SLC25A26: variants seen among roughly 807,000 people sequenced by gnomAD.
SLC25A26 encodes solute carrier family 25 member 26, also known as mitochondrial S-adenosylmethionine carrier protein.
A neutral mutation model predicts 37.8 loss-of-function variants in SLC25A26; 36 were observed. The observed-to-expected ratio is 0.95, with a 90% CI of 0.73 to 1.26. The LOEUF (loss-of-function observed/expected upper bound fraction) is 1.26, where lower values mean the gene tolerates loss of function less well. Ranked by LOEUF, SLC25A26 falls within the 50% of genes most tolerant of loss-of-function variation. The pLI, the probability that SLC25A26 is intolerant of heterozygous loss-of-function variation, is 0.00. For synonymous variants in SLC25A26, 129 were observed against 122.5 expected, an observed-to-expected ratio of 1.05 and a Z score of -0.35; for missense variants, 390 against 331.1, an observed-to-expected ratio of 1.18 and a Z score of -1.38.
chr3:66,304,381 C>G, intron 5 of SLC25A26: 2 of 453,968 alleles, frequency 4.4e-6, no homozygotes, highest in Middle Eastern at 3.3e-4. Flanking sequence ...AAGCTAATAT[C>G]TTCCCTTTTC....
chr3:66,143,818 C>G (rs2070073615), intron 1 of SLC25A26, among the ~76,000 whole-genome samples: 2 of 152,088 alleles, frequency 1.3e-5, no homozygotes, highest in South Asian at 2.1e-4. Context: ...GAGGCAGAGG[C>G]TGCAGTGAGC....
chr3:66,329,719 C>T (rs891733709), intron 5 of SLC25A26, among the ~76,000 whole-genome samples: 1 of 152,086 alleles, frequency 6.6e-6, no homozygotes, highest in African/African-American at 2.4e-5. Flanking sequence ...TTTCCTCCTA[C>T]TTTATTCAAT....
intron 5 of SLC25A26, among the ~76,000 whole-genome samples, chr3:66,325,689 C>G (rs1016812628): frequency 6.6e-6 from 1 of 152,032 alleles, no homozygotes; most frequent in Non-Finnish European, 1.5e-5. Context: ...AAGAAGGCCC[C>G]GGAGATAAGG....
intron 5 of SLC25A26, among the ~76,000 whole-genome samples, chr3:66,319,678 T>A (rs531676751): frequency 6.6e-5 from 10 of 151,328 alleles, no homozygotes; most frequent in Admixed American, 3.3e-4. Flanking sequence ...ACAAAAAAAA[T>A]GATACATCTT....
chr3:66,277,436 G>T (rs918131472), intron 5 of SLC25A26, among the ~76,000 whole-genome samples: 5 of 151,978 alleles, frequency 3.3e-5, no homozygotes, highest in Non-Finnish European at 7.4e-5. Context: ...GGTGTTAGGG[G>T]GTGGGTAAAT....
chr3:66,369,415 TAA>T, intron 7 of SLC25A26, 61 bp from the exon 8 acceptor site: 1 of 1,464,086 alleles, frequency 6.8e-7, no homozygotes, highest in Non-Finnish European at 9.4e-7. Flanking sequence ...TCAGGAATTC[TAA>T]AAATTACAAA....
At chr3:66,366,414 G>GT (rs2107823408) in intron 7 of SLC25A26, among the ~76,000 whole-genome samples, 1 of 152,296 alleles carries the variant, frequency 6.6e-6, no homozygotes, top group Non-Finnish European at 1.5e-5. Flanking sequence ...CAAAAGCATT[G>GT]TGAGGTCTGT....
intron 1 of SLC25A26, among the ~76,000 whole-genome samples, chr3:66,210,780 C>T (rs1407147987): frequency 2.6e-5 from 4 of 151,622 alleles, no homozygotes; most frequent in Non-Finnish European, 5.9e-5. Flanking sequence ...TCCCAAAATG[C>T]TGGGATTACA....
intron 1 of SLC25A26, among the ~76,000 whole-genome samples, chr3:66,154,122 G>A (rs2106697520): frequency 6.6e-6 from 1 of 152,162 alleles, no homozygotes; most frequent in Admixed American, 6.5e-5. Flanking sequence ...ATAAAACTCG[G>A]GCACCAGACC....
intron 5 of SLC25A26, chr3:66,304,483 G>T (rs1362057755): frequency 6.6e-6 from 3 of 455,768 alleles, no homozygotes; most frequent in Non-Finnish European, 1.3e-5. Flanking sequence ...GTGTGGGGAG[G>T]CTTGTGAGCT....
intron 1 of SLC25A26, among the ~76,000 whole-genome samples, chr3:66,145,417 TGTGGAAG>T (rs1196945404): frequency 6.6e-6 from 1 of 152,208 alleles, no homozygotes; most frequent in Non-Finnish European, 1.5e-5. Flanking sequence ...TTATTGCATT[TGTGGAAG>T]TACCAACTGG....
chr3:66,202,983 G>A (rs1443257003), intron 1 of SLC25A26, among the ~76,000 whole-genome samples: 1 of 152,166 alleles, frequency 6.6e-6, no homozygotes. Context: ...AGCAGTGGTT[G>A]TCTTCTTAAA....
intron 5 of SLC25A26, among the ~76,000 whole-genome samples, chr3:66,278,238 A>G (rs1367031278): frequency 1.3e-5 from 2 of 152,164 alleles, no homozygotes; most frequent in African/African-American, 4.8e-5. Context: ...TGGACATTGT[A>G]TGAAGTACTT....
chr3:66,363,651 C>T (rs936488911), intron 7 of SLC25A26, among the ~76,000 whole-genome samples: 46 of 152,272 alleles, frequency 3.0e-4, no homozygotes, highest in African/African-American at 9.9e-4. Flanking sequence ...AGTTGAAATA[C>T]AATGGAAATT....
At chr3:66,343,296 T>G (rs1202325573) in intron 5 of SLC25A26, among the ~76,000 whole-genome samples, 1 of 152,240 alleles carries the variant, frequency 6.6e-6, no homozygotes, top group African/African-American at 2.4e-5. Flanking sequence ...GATACAATTT[T>G]GACTTGAAGA....
At chr3:66,302,547 GT>G (rs1168243954) in intron 5 of SLC25A26, among the ~76,000 whole-genome samples, 1 of 152,144 alleles carries the variant, frequency 6.6e-6, no homozygotes, top group Non-Finnish European at 1.5e-5. Context: ...GCTGCCAGCA[GT>G]TTAGAGTAAG....
chr3:66,261,144 T>C (rs572937475), intron 3 of SLC25A26, among the ~76,000 whole-genome samples: 11 of 152,360 alleles, frequency 7.2e-5, no homozygotes, highest in Admixed American at 3.9e-4. Flanking sequence ...ATAACTTTCA[T>C]GTTCAAGGTT....
In SLC25A26 at chr3:66,263,383, A is replaced by G. The variant is rs771165993; in HGVS notation, c.453+4A>G. On this transcript the variant is annotated splice_donor_region_variant and intron_variant, in intron 5 of 9. Transcript: ENST00000354883. ...TAAAAGCACAGTTTTAAGAGAGGTA[A>G]GTCACTTACTTTCCAATATTGAAGT... 2.6e-5 allele frequency: 41 copies of G among 1,597,484 alleles called. No homozygotes were observed. Among genetic ancestry groups the G allele is most frequent in the Non-Finnish European group, 2.6e-6 (3 of 1,166,326 alleles).
chr3:66,219,958 A>G (rs1350623099), upstream of SLC25A26, among the ~76,000 whole-genome samples: 1 of 152,192 alleles, frequency 6.6e-6, no homozygotes, highest in African/African-American at 2.4e-5. Context: ...TCCATCTAAC[A>G]CCTAAAGCTA....
Sources: allele counts gnomAD v4.1 joint callset (sites outside exome capture counted in the v4.1 genomes callset), GRCh38; gene constraint gnomAD v4.1.1; transcripts MANE v1.5; gene names NCBI Gene and HGNC (gene_info 2026-07-23, HGNC 2026-07-21).